The following GPHN variants were observed in gnomAD, a reference collection of about 807,000 sequenced individuals.
GPHN encodes gephyrin.
Under a neutral mutation model 95.5 loss-of-function variants are expected in GPHN, and 17 were observed. That is an observed-to-expected ratio of 0.18 (90% confidence interval 0.12 to 0.27). The LOEUF (loss-of-function observed/expected upper bound fraction) is 0.27. Ranked by LOEUF, GPHN falls within the 10% of genes least tolerant of loss-of-function variation. GPHN has a pLI of 1.00. For missense variants in GPHN, 660 were observed against 978.1 expected, an observed-to-expected ratio of 0.67 and a Z score of 4.34; for synonymous variants, 320 against 322.5, an observed-to-expected ratio of 0.99 and a Z score of 0.08.
chr14:67,436,011 A>T, the GPHN span, among the ~76,000 whole-genome samples: 9 of 152,230 alleles, frequency 5.9e-5, no homozygotes, highest in Non-Finnish European at 1.3e-4. Context: ...TGCTAAAGCA[A>T]TTGTGAGCTT....
At chr14:66,583,170 G>A (rs2061268004) in intron 1 of GPHN, among the ~76,000 whole-genome samples, 1 of 152,054 alleles carries the variant, frequency 6.6e-6, no homozygotes, top group East Asian at 1.9e-4. Context: ...TTTTTTGGCT[G>A]CATAAATGTC....
At chr14:67,492,191 T>G in the GPHN span, among the ~76,000 whole-genome samples, 5 of 152,182 alleles carry the variant, frequency 3.3e-5, no homozygotes, top group East Asian at 9.7e-4. Flanking sequence ...TGGTCTCTGG[T>G]CCCACGTCTA....
chr14:67,157,177 C>T (rs1449039549), intron 18 of GPHN, among the ~76,000 whole-genome samples: 1 of 151,690 alleles, frequency 6.6e-6, no homozygotes, highest in Non-Finnish European at 1.5e-5. Flanking sequence ...ATATTGATAA[C>T]AGAGAAAATT....
At chr14:67,052,878 A>T (rs899452886) in intron 10 of GPHN, among the ~76,000 whole-genome samples, 1 of 152,304 alleles carries the variant, frequency 6.6e-6, no homozygotes, top group East Asian at 1.9e-4. Flanking sequence ...GGCAGAAATC[A>T]AGAAGTTCTT....
At chr14:66,604,456 T>A (rs2062414175) in intron 1 of GPHN, among the ~76,000 whole-genome samples, 1 of 152,162 alleles carries the variant, frequency 6.6e-6, no homozygotes, top group East Asian at 1.9e-4. Flanking sequence ...GAATAGTTGC[T>A]TTGCAGACAC....
the GPHN span, chr14:67,385,357 A>G: frequency 2.0e-5 from 3 of 151,834 alleles, no homozygotes; most frequent in Admixed American, 2.0e-4. Flanking sequence ...TTAAGGGGCC[A>G]AGGCAGGAGG....
intron 12 of GPHN, among the ~76,000 whole-genome samples, chr14:67,094,473 A>AGG (rs1168351752): frequency 1.3e-5 from 2 of 152,206 alleles, no homozygotes; most frequent in Non-Finnish European, 2.9e-5. Context: ...CAGATATGTC[A>AGG]GAATTACAAG....
intron 15 of GPHN, among the ~76,000 whole-genome samples, 184 bp downstream of exon 15, chr14:67,112,103 T>C (rs899030535): frequency 5.3e-5 from 8 of 152,172 alleles, no homozygotes; most frequent in African/African-American, 1.9e-4. Flanking sequence ...TACTTTTTAA[T>C]GAAGATGGTA....
At chr14:67,208,834 T>C in the GPHN span, among the ~76,000 whole-genome samples, 6 of 150,738 alleles carry the variant, frequency 4.0e-5, no homozygotes, top group Non-Finnish European at 5.9e-5. Flanking sequence ...AAGGCAGAGG[T>C]TGCAGTGAGC....
chr14:66,800,152 A>G (rs1017777743), intron 3 of GPHN, among the ~76,000 whole-genome samples: 63 of 152,106 alleles, frequency 4.1e-4, no homozygotes, highest in African/African-American at 1.5e-3. Context: ...TTATATCTTA[A>G]TGTACGGACT....
chr14:67,194,029 A>G, the GPHN span, among the ~76,000 whole-genome samples: 1 of 151,852 alleles, frequency 6.6e-6, no homozygotes, highest in Non-Finnish European at 1.5e-5. Context: ...AAAACTGGAA[A>G]GACATATACC....
intron 1 of GPHN, among the ~76,000 whole-genome samples, chr14:66,628,429 C>A (rs1325447696): frequency 7.9e-5 from 12 of 151,880 alleles, no homozygotes; most frequent in Admixed American, 7.9e-4. Flanking sequence ...AGTTATAACA[C>A]AATGGCAAAT....
At chr14:66,961,594 A>C (rs2153585017) in intron 8 of GPHN, among the ~76,000 whole-genome samples, 1 of 151,842 alleles carries the variant, frequency 6.6e-6, no homozygotes, top group South Asian at 2.1e-4. Context: ...TAAGGGAAAA[A>C]ATGGGCAAGG....
At chr14:66,843,279 T>A (rs575737026) in intron 4 of GPHN, among the ~76,000 whole-genome samples, 1 of 152,330 alleles carries the variant, frequency 6.6e-6, no homozygotes, top group African/African-American at 2.4e-5. Flanking sequence ...CAGCATTATC[T>A]ATCTGCTCCC....
the GPHN span, among the ~76,000 whole-genome samples, chr14:67,255,042 A>G: frequency 2.0e-5 from 3 of 152,084 alleles, no homozygotes; most frequent in Non-Finnish European, 4.4e-5. Context: ...CCAGCTACTC[A>G]GGAGGCTGAG....
chr14:66,647,880 T>G (rs1211722294), intron 1 of GPHN, among the ~76,000 whole-genome samples: 2 of 152,176 alleles, frequency 1.3e-5, no homozygotes. Flanking sequence ...TGCAAACTGA[T>G]TTAAAGATCC....
the GPHN span, among the ~76,000 whole-genome samples, chr14:67,323,227 A>G: frequency 3.4e-3 from 337 of 98,224 alleles, 1 homozygote; most frequent in African/African-American, 0.014. Flanking sequence ...ATACACATAT[A>G]TACACGTGTG....
the GPHN span, among the ~76,000 whole-genome samples, chr14:67,192,106 C>T: frequency 7.6e-3 from 1,161 of 152,314 alleles, 13 homozygotes; most frequent in Non-Finnish European, 7.7e-3. Context: ...CGCTCTGCAG[C>T]GCAGCAAAAG....
At chr14:67,358,673 C>T in the GPHN span, among the ~76,000 whole-genome samples, 2 of 152,170 alleles carry the variant, frequency 1.3e-5, no homozygotes, top group African/African-American at 4.8e-5. Context: ...GCACCCCAGC[C>T]TGGGAGACCC....
Sources: gnomAD v4.1 joint callset for allele counts (sites outside exome capture counted in the v4.1 genomes callset) on GRCh38, gnomAD v4.1.1 for gene constraint, MANE v1.5 for transcripts, NCBI Gene and HGNC (gene_info 2026-07-23, HGNC 2026-07-21) for gene names.